The following RSPH3 variants were observed in gnomAD, a reference collection of about 807,000 sequenced individuals.
The protein encoded by RSPH3 is radial spoke head protein 3 homolog.
In RSPH3, 21 loss-of-function variants were observed where a neutral mutation model predicts 43.8. The observed-to-expected ratio is 0.48, with a 90% CI of 0.34 to 0.69. The LOEUF is 0.69. Ranked by LOEUF, RSPH3 falls within the 30% of genes least tolerant of loss-of-function variation. RSPH3 has a pLI of 0.01. For synonymous variants in RSPH3, 173 were observed against 179.8 expected (o/e 0.96, Z 0.30); for missense variants, 487 against 516.0 (o/e 0.94, Z 0.54).
downstream of RSPH3, among the ~76,000 whole-genome samples, chr6:158,969,685 A>G (rs148128868): frequency 4.4e-3 from 664 of 152,076 alleles, 2 homozygotes; most frequent in Non-Finnish European, 8.1e-3. Flanking sequence ...GGCTTTGCTC[A>G]TTTTTCTTCA....
Position 158,993,820 on chromosome 6 carries a change from C to G in RSPH3, c.204+19G>C. ...GATAATGTGAGAACACGGTGTTAGA[C>G]TATTCAAACTGAACTTACCAGTGGC... On this transcript the variant is annotated intron_variant, in intron 2 of 7. Coordinates refer to ENST00000367069, the MANE Select transcript of RSPH3 (RefSeq NM_031924.8). The G allele has an allele frequency of 7.1e-7, 1 of 1,405,782 alleles. No homozygotes were observed. Among genetic ancestry groups the G allele is most frequent in the South Asian group, 1.2e-5 (1 of 86,132 alleles). The allele number at this position is 1,405,782 out of a possible 1,614,324, so 87.1% of individuals were successfully genotyped here.
rs2128604700 is a variant in RSPH3 at position 158,975,936 on chromosome 6, A to C, written c.*1602T>G. ...GGTGGCTCATGCCTGTAGTCCTAGC[A>C]CTTTGGGAGGCCAAGGTGGGCAGAT... On this transcript the variant is annotated 3_prime_UTR_variant, in exon 8 of 8. Transcript: ENST00000367069. 1 of 152,546 alleles carries C rather than the reference A, an allele frequency of 6.6e-6. No individual in the cohort carries two copies. Among genetic ancestry groups the C allele is most frequent in the East Asian group, 1.9e-4 (1 of 5,196 alleles). The allele number at this position is 152,546 out of a possible 1,614,324, so 9.4% of individuals were successfully genotyped here. A position where few individuals can be genotyped will look rare whatever the true frequency, so the allele number is the denominator to read the frequency against.
chr6:158,964,601 T>C, the RSPH3 span, among the ~76,000 whole-genome samples: 1 of 152,220 alleles, frequency 6.6e-6, no homozygotes, highest in African/African-American at 2.4e-5. Flanking sequence ...CATGTGTTTA[T>C]TGGCTATTTG....
rs778590655 is a variant in RSPH3 at position 158,982,682 on chromosome 6, C to G, written c.499G>C (p.Asp167His). The G allele has an allele frequency of 5.6e-6, 9 of 1,611,292 alleles. No individual in the cohort carries two copies. The highest frequency in any genetic ancestry group is 7.6e-6 in the Non-Finnish European group (9 of 1,178,238). ...ATQILEGELF[D>H]FDLEVKPVLE... ...ACTGGTTTAACTTCAAGATCAAAGT[C>G]AAAGAGCTTAAACATACAAAATAAA... The change falls in exon 5 of 8, where the codon GAC becomes CAC. Residue 167 changes from aspartate (D) to histidine (H), a missense_variant. Asp to His is a moderately conservative substitution (Grantham distance 81, BLOSUM62 -1). Transcript: ENST00000367069.
rs749396756 is a variant in RSPH3, at chr6:158,983,817, AT to A, written c.347-11del. The A allele has an allele frequency of 1.8e-5, 28 of 1,569,484 alleles. No individual in the cohort carries two copies. In the East Asian group the frequency reaches 5.8e-4, roughly 33 times the overall value. ...TCTTCAAGGTATAATTCTAAGAAGA[AT>A]ATCATATATATCGAGTTTAAAATTC... On this transcript the variant is annotated splice_polypyrimidine_tract_variant and intron_variant, in intron 3 of 7. Coordinates refer to ENST00000367069, the MANE Select transcript of RSPH3 (RefSeq NM_031924.8).
chr6:158,978,832 C>G (rs1018186186), intron 6 of RSPH3, among the ~76,000 whole-genome samples: 1 of 152,176 alleles, frequency 6.6e-6, no homozygotes, highest in Admixed American at 6.5e-5. Flanking sequence ...AGCCACCACA[C>G]CTTGCCCAAT....
intron 1 of RSPH3, among the ~76,000 whole-genome samples, chr6:158,996,467 G>A (rs754053682): frequency 1.3e-5 from 2 of 152,136 alleles, no homozygotes; most frequent in Non-Finnish European, 2.9e-5. Context: ...CCTTTCAAAG[G>A]AAAAATCAGA....
At chr6:158,968,780 C>T (rs142330244), downstream of RSPH3, among the ~76,000 whole-genome samples, 3,522 of 150,906 alleles carry the variant, frequency 0.023, 55 homozygotes, top group Non-Finnish European at 0.029. Context: ...GGTGTGATCT[C>T]GGCTTACTGC....
At chr6:158,998,777 TC>T (rs1778720802) in intron 1 of RSPH3, among the ~76,000 whole-genome samples, 2 of 127,884 alleles carry the variant, frequency 1.6e-5, no homozygotes, top group Non-Finnish European at 1.6e-5. Flanking sequence ...AATCGTTTGA[TC>T]GGGGAGGAGT....
chr6:158,978,025 A>G (rs1230413850), intron 7 of RSPH3, among the ~76,000 whole-genome samples, 177 bp from the exon 8 acceptor site: 2 of 152,232 alleles, frequency 1.3e-5, no homozygotes, highest in Non-Finnish European at 2.9e-5. Context: ...AATATAAAAT[A>G]TATTCTGTTT....
chr6:158,999,242 GCC>G (rs1435953447), intron 1 of RSPH3, among the ~76,000 whole-genome samples, 191 bp downstream of exon 1: 2,691 of 152,304 alleles, frequency 0.018, 34 homozygotes, highest in Middle Eastern at 0.024. Flanking sequence ...GTTAACTGAT[GCC>G]CAACCCATGC....
Position 158,982,657 on chromosome 6 carries a change from A to T in RSPH3, c.524T>A (p.Val175Glu). 2 of 1,613,712 alleles carry T rather than the reference A, an allele frequency of 1.2e-6. No homozygotes were observed. Among genetic ancestry groups the T allele is most frequent in the South Asian group, 1.1e-5 (1 of 91,046 alleles). ...TGTCTTCCCCACCAAAACTTCTAAC[A>T]CTGGTTTAACTTCAAGATCAAAGTC... ...LFDFDLEVKPVLEVLVGKTIE... is the reference protein window; with the variant it reads ...LFDFDLEVKPELEVLVGKTIE... Residue 175 changes from valine (V) to glutamate (E), a missense_variant, in exon 5 of 8, where the codon GTG becomes GAG. Transcript: ENST00000367069.
Position 158,983,784 on chromosome 6 carries a change from C to T in RSPH3, c.370G>A (p.Asp124Asn), listed in dbSNP as rs772592352. The T allele has an allele frequency of 1.2e-6, 2 of 1,603,922 alleles. No homozygotes were observed. Residue 124 changes from aspartate (D) to asparagine (N), a missense_variant, in exon 4 of 8, where the codon GAT (aspartate) becomes AAT (asparagine). By Grantham distance (23) the Asp-to-Asn change is conservative. Transcript: ENST00000367069. ...TCCATATCAACTTCTATTATGCGAT[C>T]AGCAATTTCTTCAAGGTATAATTCT... ...QTELYLEEIA[D>N]RIIEVDMECQ...
At chr6:158,999,094 A>G (rs909141330) in intron 1 of RSPH3, among the ~76,000 whole-genome samples, 7 of 152,242 alleles carry the variant, frequency 4.6e-5, no homozygotes, top group African/African-American at 1.7e-4. Flanking sequence ...ATTAACTAAG[A>G]AAACGTATTT....
downstream of RSPH3, among the ~76,000 whole-genome samples, chr6:158,970,797 T>C (rs6921273): frequency 0.23 from 35,518 of 152,082 alleles, 5,391 homozygotes; most frequent in East Asian, 0.41. Flanking sequence ...GTGATTCACC[T>C]GCCTTGGCCT....
chr6:158,992,234 CA>C (rs1429423882), intron 2 of RSPH3, among the ~76,000 whole-genome samples: 2 of 146,844 alleles, frequency 1.4e-5, no homozygotes, highest in East Asian at 4.8e-4. Context: ...GACTCCGATT[CA>C]GGGCACACTG....
intron 7 of RSPH3, 74 bp from the exon 8 acceptor site, chr6:158,977,922 T>A: frequency 7.7e-7 from 1 of 1,293,076 alleles, no homozygotes; most frequent in Non-Finnish European, 1.1e-6. Flanking sequence ...AATGCTCACT[T>A]ATAGATGATT....
intron 2 of RSPH3, among the ~76,000 whole-genome samples, chr6:158,991,534 G>A (rs1229659247): frequency 6.6e-6 from 1 of 152,048 alleles, no homozygotes; most frequent in Non-Finnish European, 1.5e-5. Flanking sequence ...TAGGGCGAGT[G>A]CAGCATTGAC....
In RSPH3 at chr6:158,980,886, T is replaced by C. The variant is rs146146197; in HGVS notation, c.747A>G (p.Thr249=). The C allele has an allele frequency of 1.5e-5, 25 of 1,614,070 alleles. No homozygotes were observed. Among genetic ancestry groups the C allele is most frequent in the Non-Finnish European group, 1.9e-5 (22 of 1,180,032 alleles). ...ATGCTCGGGCGGCGATTTTTTGTGATGTCTCGTTGTGCTTGTGCATTATTT... is the reference window on the plus strand; with the variant it reads ...ATGCTCGGGCGGCGATTTTTTGTGACGTCTCGTTGTGCTTGTGCATTATTT... ...QWEIMHKHNE[T]SQKIAARAFA... is the part of the protein sequence containing the mutation. Residue 249 remains threonine, a synonymous_variant, in exon 6 of 8, where the codon ACA becomes ACG. Coordinates refer to ENST00000367069, the MANE Select transcript of RSPH3 (RefSeq NM_031924.8).
Sources: gnomAD v4.1 joint callset for allele counts (sites outside exome capture counted in the v4.1 genomes callset) on GRCh38, gnomAD v4.1.1 for gene constraint, MANE v1.5 for transcripts, NCBI Gene and HGNC (gene_info 2026-07-23, HGNC 2026-07-21) for gene names.